The following FRAS1 variants were observed in gnomAD, a reference collection of about 807,000 sequenced individuals.
The protein encoded by FRAS1 is extracellular matrix organizing protein FRAS1.
In FRAS1, 290 loss-of-function variants were observed where a neutral mutation model predicts 435.2. That is an observed-to-expected ratio of 0.67 (90% CI 0.61 to 0.73). The LOEUF (loss-of-function observed/expected upper bound fraction) is 0.73. FRAS1 is among the 30% of genes least tolerant of loss of function. FRAS1 has a pLI of 0.00. For missense variants in FRAS1, 4,860 were observed against 5,001.5 expected, an observed-to-expected ratio of 0.97 and a Z score of 0.85; for synonymous variants, 1,800 against 1,851.0, an observed-to-expected ratio of 0.97 and a Z score of 0.71.
At chr4:78,220,749 C>G (rs1355750200) in intron 2 of FRAS1, among the ~76,000 whole-genome samples, 1 of 152,210 alleles carries the variant, frequency 6.6e-6, no homozygotes, top group Non-Finnish European at 1.5e-5. Context: ...TACCTACTCT[C>G]TCTCTAGCCA....
chr4:78,311,106 A>ACATAATAAATCAAAG (rs146078504), intron 15 of FRAS1, among the ~76,000 whole-genome samples: 41,833 of 151,600 alleles, frequency 0.28, 6,691 homozygotes, highest in Admixed American at 0.35. Flanking sequence ...GCTGCAGCTA[A>ACATAATAAATCAAAG]CATAATAAAT....
At chr4:78,292,289 T>C (rs1727935708) in intron 14 of FRAS1, among the ~76,000 whole-genome samples, 1 of 152,222 alleles carries the variant, frequency 6.6e-6, no homozygotes, top group Admixed American at 6.5e-5. Flanking sequence ...AAATCCCTTT[T>C]TCTTTTAAAA....
At chr4:78,434,089 G>A (rs1463898863) in intron 38 of FRAS1, among the ~76,000 whole-genome samples, 1 of 152,168 alleles carries the variant, frequency 6.6e-6, no homozygotes, top group Non-Finnish European at 1.5e-5. Context: ...TTCCAGATAT[G>A]CATAGTTAGA....
intron 73 of FRAS1, among the ~76,000 whole-genome samples, chr4:78,539,802 C>T (rs1721993555): frequency 2.6e-5 from 4 of 152,142 alleles, no homozygotes; most frequent in Admixed American, 2.6e-4. Context: ...AATCATAATA[C>T]AATACAGCAA....
At chr4:78,297,624 C>T (rs1728195128) in intron 14 of FRAS1, among the ~76,000 whole-genome samples, 1 of 152,126 alleles carries the variant, frequency 6.6e-6, no homozygotes, top group African/African-American at 2.4e-5. Flanking sequence ...TGGTTATGCT[C>T]CAGAAAAGTC....
intron 2 of FRAS1, among the ~76,000 whole-genome samples, chr4:78,188,777 T>C (rs2110061123): frequency 6.6e-6 from 1 of 152,310 alleles, no homozygotes. Flanking sequence ...ACATTCTGTA[T>C]TTTTCTAATG....
Position 78,369,995 on chromosome 4 carries a change from T to A in FRAS1, c.2869+11T>A, listed in dbSNP as rs377162478. ...CCAACACGTGCAAAGGTAAAGCTCT[T>A]CCTGAATTGTGTAAAGATTCTTTTA... On this transcript the variant is annotated intron_variant, in intron 23 of 73. Coordinates refer to ENST00000512123, the MANE Select transcript of FRAS1 (RefSeq NM_025074.7). 1.1e-5 allele frequency: 18 copies of A among 1,610,586 alleles called. No homozygotes were observed. Among genetic ancestry groups the A allele is most frequent in the Non-Finnish European group, 1.7e-6 (2 of 1,178,114 alleles).
chr4:78,410,317 T>C (rs1560711655), intron 31 of FRAS1, among the ~76,000 whole-genome samples: 1 of 151,866 alleles, frequency 6.6e-6, no homozygotes, highest in African/African-American at 2.4e-5. Flanking sequence ...ACTTTATGAT[T>C]ATTATTATTA....
chr4:78,095,290 A>G (rs745521440), intron 2 of FRAS1, among the ~76,000 whole-genome samples: 6 of 152,220 alleles, frequency 3.9e-5, no homozygotes, highest in Non-Finnish European at 7.3e-5. Flanking sequence ...CAGATGGCCT[A>G]TTACATTGAC....
chr4:78,120,522 C>T (rs1718949351), intron 2 of FRAS1, among the ~76,000 whole-genome samples: 1 of 152,126 alleles, frequency 6.6e-6, no homozygotes, highest in Non-Finnish European at 1.5e-5. Flanking sequence ...GAGGAGAAGC[C>T]CCTCTTAGCT....
chr4:78,125,841 C>A (rs984740816), intron 2 of FRAS1, among the ~76,000 whole-genome samples: 2 of 152,154 alleles, frequency 1.3e-5, no homozygotes, highest in Non-Finnish European at 2.9e-5. Flanking sequence ...TGGTCAGGGA[C>A]CCACTTGAGG....
chr4:78,462,401 A>G (rs1165022095), intron 47 of FRAS1, among the ~76,000 whole-genome samples: 1 of 152,154 alleles, frequency 6.6e-6, no homozygotes, highest in Non-Finnish European at 1.5e-5. Context: ...GAAAAAGAAA[A>G]GAAAAAGAAA....
chr4:78,071,376 A>C (rs1652347447), intron 2 of FRAS1: 1 of 152,226 alleles, frequency 6.6e-6, no homozygotes, highest in African/African-American at 2.4e-5. Flanking sequence ...TGCAAGGAAC[A>C]CGTACTCACA....
At chr4:78,424,760 T>C (rs1560719796) in intron 35 of FRAS1, among the ~76,000 whole-genome samples, 1 of 150,970 alleles carries the variant, frequency 6.6e-6, no homozygotes, top group Non-Finnish European at 1.5e-5. Context: ...TGGACAACAA[T>C]GCAAGACCTT....
chr4:78,521,509 G>C lies in FRAS1; in HGVS notation c.10541-14G>C. The stretch of plus-strand genomic sequence containing the variant: ...TTCCATGCCCTAGCATTTTCTCTCT[G>C]CTTTCCTGCCCAGGAATCCAGACAG... On this transcript the variant is annotated splice_polypyrimidine_tract_variant and intron_variant, in intron 67 of 73. Coordinates refer to ENST00000512123, the MANE Select transcript of FRAS1 (RefSeq NM_025074.7). 6.2e-7 allele frequency: 1 copy of C among 1,600,614 alleles called. No homozygotes were observed. The highest frequency in any genetic ancestry group is 8.5e-7 in the Non-Finnish European group (1 of 1,170,610).
At chr4:78,141,440 T>A (rs1720178433) in intron 2 of FRAS1, among the ~76,000 whole-genome samples, 1 of 152,180 alleles carries the variant, frequency 6.6e-6, no homozygotes, top group Admixed American at 6.5e-5. Flanking sequence ...CTATGTTATT[T>A]TGAACCAACT....
At position 78,443,910 on chromosome 4, in the gene FRAS1, A is replaced by G. The variant is rs147493985; in HGVS notation, c.5666-1612A>G. Among the ~76,000 whole-genome samples the G allele has an allele frequency of 8.1e-4, 123 of 152,260 alleles. 1 individual carries two copies. Among genetic ancestry groups the G allele is most frequent in the East Asian group, 2.9e-3 (15 of 5,180 alleles). ...ATTGCCCAGGTCAGAGTGCAATGGC[A>G]TAATCACTACTCACTGTAGCCTCGA... On this transcript the variant is annotated intron_variant, in intron 41 of 73. Transcript: ENST00000512123.
intron 32 of FRAS1, among the ~76,000 whole-genome samples, chr4:78,413,906 T>C (rs1191694993): frequency 6.6e-6 from 1 of 152,150 alleles, no homozygotes; most frequent in African/African-American, 2.4e-5. Context: ...GGGTGAGTGC[T>C]GTAATGCCAA....
At chr4:78,488,775 C>A in intron 58 of FRAS1, 100 bp from the exon 59 acceptor site, 1 of 1,069,326 alleles carries the variant, frequency 9.4e-7, no homozygotes, top group Non-Finnish European at 1.4e-6. Context: ...TTTGGTGGAG[C>A]TCACCTGCCA....
Sources: gnomAD v4.1 joint callset for allele counts (sites outside exome capture counted in the v4.1 genomes callset) on GRCh38, gnomAD v4.1.1 for gene constraint, MANE v1.5 for transcripts, NCBI Gene and HGNC (gene_info 2026-07-23, HGNC 2026-07-21) for gene names.